Variants in PRKD1 observed in about 807,000 individuals in gnomAD.
PRKD1 encodes protein kinase D1.
In PRKD1, 63 loss-of-function variants were observed where a neutral mutation model predicts 95.9. That is an observed-to-expected ratio of 0.66 (90% CI 0.54 to 0.81). The LOEUF is 0.81. Among genes scored for constraint, PRKD1 ranks in the 30% least tolerant of loss-of-function variants. The pLI is 0.00. For synonymous variants in PRKD1, 425 were observed against 423.1 expected (o/e 1.00, Z -0.05); for missense variants, 1,048 against 1,165.3 (o/e 0.90, Z 1.47).
Position 29,712,238 on chromosome 14 carries a change from CTT to C in PRKD1, c.403+13296_403+13297del, listed in dbSNP as rs903667214. On this transcript the variant is annotated intron_variant, in intron 2 of 17. Coordinates refer to ENST00000331968, the MANE Select transcript of PRKD1 (RefSeq NM_002742.3). The stretch of plus-strand genomic sequence containing the variant: ...CAAGATTAGTATGTGGGAGAAAATT[CTT>C]TTTTTTCTCTCTTCATCATTTTTTC... 1.5e-3 allele frequency among the ~76,000 whole-genome samples: 225 copies of C among 152,032 alleles called. 1 individual carries two copies. The highest frequency in any genetic ancestry group is 4.9e-3 in the African/African-American group (202 of 41,492).
At chr14:29,583,317 G>A (rs1462768596) in intron 16 of PRKD1, among the ~76,000 whole-genome samples, 1 of 152,144 alleles carries the variant, frequency 6.6e-6, no homozygotes, top group East Asian at 1.9e-4. Context: ...AAGGGCCAAA[G>A]CAGTAGGGGA....
chr14:29,700,801 T>A (rs568439156), intron 2 of PRKD1, among the ~76,000 whole-genome samples: 1 of 152,126 alleles, frequency 6.6e-6, no homozygotes, highest in Non-Finnish European at 1.5e-5. Context: ...AAGAGGGAAT[T>A]CTGTCAGCAG....
chr14:29,927,637 T>C lies in PRKD1; in HGVS notation c.-125A>G, dbSNP rs1895359120. 2.9e-6 allele frequency: 2 copies of C among 694,240 alleles called. No homozygotes were observed. The highest frequency in any genetic ancestry group is 1.3e-4 in the South Asian group (2 of 15,410). The allele number at this position is 694,240 out of a possible 1,614,324, so 43.0% of individuals were successfully genotyped here. A position where few individuals can be genotyped will look rare whatever the true frequency, so the allele number is the denominator to read the frequency against. The stretch of plus-strand genomic sequence containing the variant: ...GAGCCCAGACGGAAAATAAAAACTT[T>C]CCGGAAAAGTCCCTGGGCTGGGGGA... On this transcript the variant is annotated 5_prime_UTR_variant, in exon 1 of 18. Transcript: ENST00000331968.
intron 1 of PRKD1, among the ~76,000 whole-genome samples, chr14:29,806,402 C>T (rs1196861165): frequency 1.3e-5 from 2 of 151,988 alleles, no homozygotes; most frequent in Non-Finnish European, 2.9e-5. Flanking sequence ...TACAATCTAA[C>T]AAATCCTAGA....
At chr14:29,640,356 T>C (rs45556840) in intron 4 of PRKD1, among the ~76,000 whole-genome samples, 4,269 of 152,294 alleles carry the variant, frequency 0.028, 180 homozygotes, top group African/African-American at 0.091. Context: ...TCCCTATCTG[T>C]ACCAAAAGGT....
chr14:29,706,990 A>C (rs1885122569), intron 2 of PRKD1, among the ~76,000 whole-genome samples: 1 of 152,180 alleles, frequency 6.6e-6, no homozygotes, highest in Non-Finnish European at 1.5e-5. Context: ...CAGGTGTAAA[A>C]GGGAACTGGA....
intron 1 of PRKD1, among the ~76,000 whole-genome samples, chr14:29,817,976 T>C (rs4329829): frequency 0.74 from 112,059 of 152,018 alleles, 41,399 homozygotes; most frequent in Middle Eastern, 0.77. Context: ...TTTCAAGTTT[T>C]TAGGAGGTTA....
chr14:29,856,386 A>G (rs1361705694), intron 1 of PRKD1, among the ~76,000 whole-genome samples: 1 of 152,212 alleles, frequency 6.6e-6, no homozygotes, highest in Admixed American at 6.5e-5. Context: ...TTGTACAACC[A>G]CAACCAAAGG....
intron 13 of PRKD1, among the ~76,000 whole-genome samples, chr14:29,617,575 A>G (rs1878951764): frequency 6.6e-6 from 1 of 152,186 alleles, no homozygotes; most frequent in African/African-American, 2.4e-5. Flanking sequence ...CGATAAATGA[A>G]AGTTGCAATA....
At chr14:29,817,510 T>C (rs760181037) in intron 1 of PRKD1, among the ~76,000 whole-genome samples, 77 of 152,346 alleles carry the variant, frequency 5.1e-4, no homozygotes, top group Non-Finnish European at 8.2e-4. Flanking sequence ...ATTTAACAAA[T>C]ACATACCATT....
At chr14:29,696,777 TAGAC>T (rs1401316552) in intron 2 of PRKD1, among the ~76,000 whole-genome samples, 1 of 152,228 alleles carries the variant, frequency 6.6e-6, no homozygotes, top group Non-Finnish European at 1.5e-5. Flanking sequence ...TCTCATTTCC[TAGAC>T]ATTCAGTTTC....
At chr14:29,717,150 A>G (rs1393723744) in intron 2 of PRKD1, among the ~76,000 whole-genome samples, 1 of 152,188 alleles carries the variant, frequency 6.6e-6, no homozygotes, top group African/African-American at 2.4e-5. Flanking sequence ...TGGCTTGTAC[A>G]TTTCATTGAT....
In PRKD1 at chr14:29,826,673, G is replaced by GTA. The variant is rs1279843396; in HGVS notation, c.264+100574_264+100575dup. Among the ~76,000 whole-genome samples, 19 of 78,850 alleles carry GTA rather than the reference G, an allele frequency of 2.4e-4. 1 individual carries two copies. Among genetic ancestry groups the GTA allele is most frequent in the Admixed American group, 6.3e-4 (4 of 6,354 alleles). 51.7% of individuals were successfully genotyped at this position (78,850 alleles called of 152,430 possible). On this transcript the variant is annotated intron_variant, in intron 1 of 17. Coordinates refer to ENST00000331968, the MANE Select transcript of PRKD1 (RefSeq NM_002742.3). ...TATATGTGTGTGTGTGTATATATGT[G>GTA]TATATATATATACACACATATATAT...
intron 2 of PRKD1, among the ~76,000 whole-genome samples, chr14:29,701,498 T>G (rs1884840793): frequency 6.6e-6 from 1 of 152,226 alleles, no homozygotes; most frequent in African/African-American, 2.4e-5. Flanking sequence ...ACAACGAATA[T>G]CTTTTCCTCA....
At chr14:29,718,685 G>T (rs1885740542) in intron 2 of PRKD1, among the ~76,000 whole-genome samples, 1 of 152,128 alleles carries the variant, frequency 6.6e-6, no homozygotes, top group Admixed American at 6.6e-5. Flanking sequence ...AGTTAGAGAA[G>T]ATTTGGCTCC....
At chr14:29,642,443 A>G (rs1387106540) in intron 4 of PRKD1, among the ~76,000 whole-genome samples, 1 of 152,202 alleles carries the variant, frequency 6.6e-6, no homozygotes, top group South Asian at 2.1e-4. Flanking sequence ...AATAGTTTTA[A>G]AGGAAATGAT....
At chr14:29,731,397 A>G (rs1007533589) in intron 1 of PRKD1, among the ~76,000 whole-genome samples, 1 of 152,180 alleles carries the variant, frequency 6.6e-6, no homozygotes, top group Non-Finnish European at 1.5e-5. Flanking sequence ...TGCATCTGAA[A>G]ATAATGTGTA....
intron 4 of PRKD1, among the ~76,000 whole-genome samples, chr14:29,651,656 T>C (rs1373544807): frequency 6.6e-6 from 1 of 152,036 alleles, no homozygotes; most frequent in Non-Finnish European, 1.5e-5. Flanking sequence ...CTTTCTTTTT[T>C]TTTTTTCCTG....
intron 1 of PRKD1, among the ~76,000 whole-genome samples, chr14:29,836,789 T>C (rs1412517546): frequency 6.6e-6 from 1 of 152,132 alleles, no homozygotes; most frequent in Non-Finnish European, 1.5e-5. Context: ...GAAGGCCCTG[T>C]TGGGTTAGCA....
Sources: allele counts gnomAD v4.1 joint callset (sites outside exome capture counted in the v4.1 genomes callset), GRCh38; gene constraint gnomAD v4.1.1; transcripts MANE v1.5; gene names NCBI Gene and HGNC (gene_info 2026-07-23, HGNC 2026-07-21).